Variants in PACRG observed in about 807,000 individuals in gnomAD.
PACRG encodes parkin coregulated.
Under a neutral mutation model 29.7 loss-of-function variants are expected in PACRG, and 29 were observed. The ratio of observed to expected loss-of-function variants is 0.98; its 90% CI spans 0.73 to 1.33. PACRG has a LOEUF of 1.33. PACRG is among the 40% of genes most tolerant of loss of function. PACRG has a pLI of 0.00. For synonymous variants in PACRG, 116 were observed against 118.7 expected, an observed-to-expected ratio of 0.98 and a Z score of 0.15; for missense variants, 279 against 316.2, an observed-to-expected ratio of 0.88 and a Z score of 0.89.
intron 1 of PACRG, among the ~76,000 whole-genome samples, chr6:162,730,350 T>C (rs2128247143): frequency 6.6e-6 from 1 of 152,242 alleles, no homozygotes; most frequent in Admixed American, 6.5e-5. Flanking sequence ...TTTCTGAAGG[T>C]GTATTTTGAT....
intron 4 of PACRG, among the ~76,000 whole-genome samples, chr6:163,269,963 G>GAAAGAAAGAAAACAAAC (rs1783747196): frequency 1.6e-5 from 1 of 63,678 alleles, no homozygotes; most frequent in African/African-American, 7.8e-5. Flanking sequence ...AAGAAAGAAA[G>GAAAGAAAGAAAACAAAC]AAAGAAAGAA....
intron 4 of PACRG, among the ~76,000 whole-genome samples, chr6:163,302,070 A>G (rs1785025528): frequency 6.6e-6 from 1 of 152,238 alleles, no homozygotes; most frequent in Non-Finnish European, 1.5e-5. Flanking sequence ...TCGGACAAAT[A>G]AACATTCTTT....
At position 162,784,428 on chromosome 6, in the gene PACRG, A is replaced by T. The variant is rs533068761; in HGVS notation, c.157-29719A>T. ...GAAGATAGAGCTGCAAGATGGAAAG[A>T]TGACATTCAAGGCTATGCAGCAAGA... On this transcript the variant is annotated intron_variant, in intron 1 of 4. Transcript: ENST00000366888. Among the ~76,000 whole-genome samples the T allele has an allele frequency of 6.6e-5, 10 of 152,342 alleles. No homozygotes were observed. The South Asian group carries it at 2.1e-3, about 32-fold the overall frequency.
Position 163,006,130 on chromosome 6 carries a change from A to G in PACRG, c.292-56020A>G, listed in dbSNP as rs933090075. On this transcript the variant is annotated intron_variant, in intron 2 of 4. Coordinates refer to ENST00000366888, the MANE Select transcript of PACRG (RefSeq NM_001080379.2). Reference sequence around the variant, plus strand: ...ATATATAGAAACAAAACCCATATATATTATATATTATTATATATAATATAT... The same window carrying G: ...ATATATAGAAACAAAACCCATATATGTTATATATTATTATATATAATATAT... 2.1e-5 allele frequency among the ~76,000 whole-genome samples: 3 copies of G among 143,210 alleles called. No homozygotes were observed. In the Admixed American group the frequency reaches 2.2e-4, roughly 10 times the overall value. 94.0% of individuals were successfully genotyped at this position (143,210 alleles called of 152,430 possible). A position where few individuals can be genotyped will look rare whatever the true frequency, so the allele number is the denominator to read the frequency against.
chr6:163,007,402 A>G (rs1010776530), intron 2 of PACRG, among the ~76,000 whole-genome samples: 7 of 152,050 alleles, frequency 4.6e-5, no homozygotes, highest in Admixed American at 4.6e-4. Flanking sequence ...ATCTGGTGTC[A>G]TTTTCCTTCT....
At chr6:162,966,346 G>A (rs779499152) in intron 2 of PACRG, among the ~76,000 whole-genome samples, 21 of 152,126 alleles carry the variant, frequency 1.4e-4, no homozygotes, top group African/African-American at 2.7e-4. Context: ...GACCATTTGC[G>A]TGATGTCATC....
chr6:163,269,249 T>C (rs1391999314), intron 4 of PACRG, among the ~76,000 whole-genome samples: 2 of 152,190 alleles, frequency 1.3e-5, no homozygotes. Context: ...GCTTAGTTTC[T>C]CTTTACAGTC....
intron 2 of PACRG, among the ~76,000 whole-genome samples, chr6:162,926,515 T>C (rs943188404): frequency 6.6e-6 from 1 of 152,128 alleles, no homozygotes; most frequent in Non-Finnish European, 1.5e-5. Context: ...TACAACCATC[T>C]GATGTTCAAC....
At chr6:163,305,027 T>G (rs1785145276) in intron 4 of PACRG, among the ~76,000 whole-genome samples, 1 of 151,468 alleles carries the variant, frequency 6.6e-6, no homozygotes, top group Admixed American at 6.6e-5. Flanking sequence ...GGCCCCACCG[T>G]GTCCCACACA....
intron 4 of PACRG, among the ~76,000 whole-genome samples, chr6:163,257,276 A>G (rs1783150346): frequency 6.6e-6 from 1 of 152,006 alleles, no homozygotes; most frequent in Non-Finnish European, 1.5e-5. Flanking sequence ...CAACAGGGCA[A>G]TGATCTGTGT....
intron 4 of PACRG, among the ~76,000 whole-genome samples, chr6:163,183,816 A>G (rs1037976084): frequency 1.3e-5 from 2 of 152,222 alleles, no homozygotes; most frequent in Non-Finnish European, 2.9e-5. Context: ...TAAAAATATA[A>G]CTGTAACGAA....
At chr6:162,780,677 A>G (rs1784027772) in intron 1 of PACRG, among the ~76,000 whole-genome samples, 1 of 152,162 alleles carries the variant, frequency 6.6e-6, no homozygotes, top group Admixed American at 6.5e-5. Context: ...TAGAAGATAC[A>G]TCTTACATTT....
intron 2 of PACRG, among the ~76,000 whole-genome samples, chr6:162,963,553 CATT>C (rs1194136407): frequency 2.7e-5 from 4 of 150,066 alleles, no homozygotes; most frequent in African/African-American, 7.3e-5. Context: ...TTTATTTACA[CATT>C]ATTGTGTAAT....
intron 2 of PACRG, among the ~76,000 whole-genome samples, chr6:162,988,354 A>C (rs190681604): frequency 9.0e-4 from 137 of 152,290 alleles, no homozygotes; most frequent in Admixed American, 2.5e-3. Flanking sequence ...AGAGCAATAG[A>C]TGCAGGTTCA....
intron 4 of PACRG, among the ~76,000 whole-genome samples, chr6:163,175,552 C>T (rs73014980): frequency 0.073 from 11,023 of 151,790 alleles, 455 homozygotes; most frequent in South Asian, 0.13. Flanking sequence ...CTGGTATCCC[C>T]GGGGTTGTGT....
intron 2 of PACRG, among the ~76,000 whole-genome samples, chr6:162,988,062 C>T (rs889531438): frequency 1.3e-5 from 2 of 152,146 alleles, no homozygotes; most frequent in Non-Finnish European, 2.9e-5. Context: ...AGTGGCATGC[C>T]ATTTCTTTCA....
chr6:163,283,770 C>G (rs975942466), intron 4 of PACRG, among the ~76,000 whole-genome samples: 1 of 148,690 alleles, frequency 6.7e-6, no homozygotes, highest in African/African-American at 2.5e-5. Context: ...CACTGCAGTC[C>G]GCAGTCCGGC....
intron 4 of PACRG, among the ~76,000 whole-genome samples, chr6:163,135,335 C>G (rs1816891624): frequency 1.3e-5 from 2 of 152,080 alleles, no homozygotes; most frequent in Admixed American, 6.5e-5. Context: ...ACTACAGGCA[C>G]ACGCCACCAT....
intron 4 of PACRG, among the ~76,000 whole-genome samples, chr6:163,292,176 A>G (rs1193093815): frequency 6.6e-6 from 1 of 152,172 alleles, no homozygotes; most frequent in Non-Finnish European, 1.5e-5. Flanking sequence ...GGTGGTGGCA[A>G]CAGAAACAGA....
Sources: gnomAD v4.1 joint callset for allele counts (sites outside exome capture counted in the v4.1 genomes callset) on GRCh38, gnomAD v4.1.1 for gene constraint, MANE v1.5 for transcripts, NCBI Gene and HGNC (gene_info 2026-07-23, HGNC 2026-07-21) for gene names.